CYFIP1: variants seen among roughly 807,000 people sequenced by gnomAD.
CYFIP1 encodes cytoplasmic FMR1 interacting protein 1, also known as cytoplasmic FMR1-interacting protein 1.
Under a neutral mutation model 163.5 loss-of-function variants are expected in CYFIP1, and 58 were observed. That is an observed-to-expected ratio of 0.35 (90% CI 0.29 to 0.44). CYFIP1 has a LOEUF of 0.44. CYFIP1 is among the 20% of genes least tolerant of loss of function. The pLI is 1.00. For synonymous variants in CYFIP1, 663 were observed against 660.7 expected (o/e 1.00, Z -0.05); for missense variants, 1,338 against 1,653.8 (o/e 0.81, Z 3.31).
At chr15:22,900,797 C>T (rs931630845) in intron 22 of CYFIP1, among the ~76,000 whole-genome samples, 3 of 152,034 alleles carry the variant, frequency 2.0e-5, no homozygotes, top group Non-Finnish European at 4.4e-5. Context: ...CGCACCCACC[C>T]CAGCCTCAAA....
chr15:22,879,069 G>C (rs970042861), intron 26 of CYFIP1, among the ~76,000 whole-genome samples: 1 of 151,874 alleles, frequency 6.6e-6, no homozygotes, highest in Non-Finnish European at 1.5e-5. Context: ...CCGGGAGGCG[G>C]AGCTTGCAGT....
chr15:22,944,773 G>A (rs1182648833), intron 4 of CYFIP1, 89 bp downstream of exon 4: 2 of 1,524,562 alleles, frequency 1.3e-6, no homozygotes, highest in Non-Finnish European at 1.8e-6. Flanking sequence ...TGGGAGGAGA[G>A]TGGGCCAGGC....
intron 16 of CYFIP1, among the ~76,000 whole-genome samples, chr15:22,915,498 C>T (rs1372786639): frequency 1.3e-5 from 2 of 152,106 alleles, no homozygotes; most frequent in Non-Finnish European, 2.9e-5. Context: ...CGCCTGTAAT[C>T]CTAGCACTTT....
At position 22,892,760 on chromosome 15, in the gene CYFIP1, GA is replaced by G. The variant is rs536217803; in HGVS notation, c.2676+129del. ...TTTTCAGGAAGATGTTAACAGAATG[GA>G]AAAAAAAAATAACATTTTATACACA... On this transcript the variant is annotated intron_variant, in intron 23 of 30. Transcript: ENST00000617928. 3.8e-3 allele frequency: 2,400 copies of G among 629,886 alleles called. 6 individuals are homozygous for G. The highest frequency in any genetic ancestry group is 0.018 in the Middle Eastern group (68 of 3,774). 39.0% of individuals were successfully genotyped at this position (629,886 alleles called of 1,614,324 possible). A position where few individuals can be genotyped will look rare whatever the true frequency, so the allele number is the denominator to read the frequency against.
At chr15:22,976,886 G>A (rs1422304510) in intron 1 of CYFIP1, among the ~76,000 whole-genome samples, 1 of 152,148 alleles carries the variant, frequency 6.6e-6, no homozygotes. Flanking sequence ...CATGGATAAG[G>A]GGCACTGCTG....
At chr15:22,963,083 A>G (rs2062743424) in intron 1 of CYFIP1, among the ~76,000 whole-genome samples, 11 of 152,218 alleles carry the variant, frequency 7.2e-5, no homozygotes, top group Admixed American at 7.2e-4. Context: ...GAACATCCTC[A>G]TTCTTAGGAA....
intron 11 of CYFIP1, among the ~76,000 whole-genome samples, chr15:22,930,437 GTTACC>G (rs982177478): frequency 1.4e-5 from 2 of 141,774 alleles, no homozygotes; most frequent in Admixed American, 7.3e-5. Flanking sequence ...AAACTGATTT[GTTACC>G]TTAGACAATG....
At chr15:22,974,801 G>A (rs1415230416) in intron 1 of CYFIP1, among the ~76,000 whole-genome samples, 4 of 152,236 alleles carry the variant, frequency 2.6e-5, no homozygotes, top group Middle Eastern at 3.4e-3. Flanking sequence ...AAAAATTATT[G>A]TATAGTTGTC....
chr15:22,971,088 A>AAC (rs1321822506), intron 1 of CYFIP1, among the ~76,000 whole-genome samples: 1 of 152,122 alleles, frequency 6.6e-6, no homozygotes, highest in East Asian at 1.9e-4. Flanking sequence ...AAAAAAACCA[A>AAC]ACACACACAC....
At chr15:22,906,591 G>A (rs545683889) in intron 21 of CYFIP1, among the ~76,000 whole-genome samples, 127 of 150,766 alleles carry the variant, frequency 8.4e-4, no homozygotes, top group Non-Finnish European at 1.5e-3. Flanking sequence ...TCAGCCTCCT[G>A]AGTAGCTGGG....
chr15:22,916,636 T>C lies in CYFIP1; in HGVS notation c.1675-6A>G. On this transcript the variant is annotated splice_polypyrimidine_tract_variant and splice_region_variant and intron_variant, in intron 15 of 30. Coordinates refer to ENST00000617928, the MANE Select transcript of CYFIP1 (RefSeq NM_014608.6). ...ATGGTTCTCACCATGTAAAGCTGGA[T>C]TATCCAAGGAAACATTTGTGGGGGA... The C allele has an allele frequency of 6.2e-7, 1 of 1,614,142 alleles. No individual in the cohort carries two copies. Among genetic ancestry groups the C allele is most frequent in the South Asian group, 1.1e-5 (1 of 91,084 alleles).
chr15:22,906,614 C>T (rs1400987405), intron 21 of CYFIP1, among the ~76,000 whole-genome samples: 4 of 151,760 alleles, frequency 2.6e-5, no homozygotes, highest in Non-Finnish European at 5.9e-5. Context: ...TACAGGCGTC[C>T]GCCATCAAGC....
intron 12 of CYFIP1, among the ~76,000 whole-genome samples, chr15:22,927,535 T>G (rs1353594767): frequency 6.8e-6 from 1 of 147,010 alleles, no homozygotes; most frequent in Non-Finnish European, 1.5e-5. Flanking sequence ...TGCACACCTG[T>G]GGTCCCAGCA....
intron 3 of CYFIP1, among the ~76,000 whole-genome samples, chr15:22,945,450 G>A (rs1327660007): frequency 1.3e-5 from 2 of 152,186 alleles, no homozygotes; most frequent in African/African-American, 4.8e-5. Context: ...AGAGTCCATG[G>A]GAAGAGGACT....
In CYFIP1 at chr15:22,938,298, T is replaced by C. The variant is rs145011413; in HGVS notation, c.795+894A>G. On this transcript the variant is annotated intron_variant, in intron 8 of 30. Coordinates refer to ENST00000617928, the MANE Select transcript of CYFIP1 (RefSeq NM_014608.6). The stretch of plus-strand genomic sequence containing the variant: ...AATCACATGCTTGACAAGTAGAATC[T>C]TGGATAACTTCTGTCACAAAGCTGG... Among the ~76,000 whole-genome samples the C allele has an allele frequency of 7.2e-5, 11 of 152,330 alleles. No homozygotes were observed. The Middle Eastern group carries it at 0.017, about 236-fold the overall frequency.
chr15:22,953,283 A>G (rs937108897), intron 1 of CYFIP1, among the ~76,000 whole-genome samples: 3 of 152,116 alleles, frequency 2.0e-5, no homozygotes, highest in Non-Finnish European at 4.4e-5. Flanking sequence ...ATCAGAGCTC[A>G]TGTCTCATCC....
intron 20 of CYFIP1, among the ~76,000 whole-genome samples, chr15:22,910,170 T>A (rs2060736787): frequency 6.6e-6 from 1 of 152,176 alleles, no homozygotes; most frequent in Non-Finnish European, 1.5e-5. Flanking sequence ...TTTTTTCTTT[T>A]TTTTGAGACG....
At chr15:22,923,645 C>T (rs1194244742) in intron 13 of CYFIP1, among the ~76,000 whole-genome samples, 2 of 152,044 alleles carry the variant, frequency 1.3e-5, no homozygotes, top group Non-Finnish European at 2.9e-5. Flanking sequence ...CAAAAACCCG[C>T]ACATGAAAGC....
intron 21 of CYFIP1, 55 bp from the exon 22 acceptor site, chr15:22,903,960 C>G: frequency 6.5e-7 from 1 of 1,542,114 alleles, no homozygotes. Flanking sequence ...AGGAAGGAGG[C>G]GCCGAGTGGC....
Sources: gnomAD v4.1 joint callset for allele counts (sites outside exome capture counted in the v4.1 genomes callset) on GRCh38, gnomAD v4.1.1 for gene constraint, MANE v1.5 for transcripts, NCBI Gene and HGNC (gene_info 2026-07-23, HGNC 2026-07-21) for gene names.